RHOBTB1: variants seen among roughly 807,000 people sequenced by gnomAD.
RHOBTB1 encodes the protein Rho related BTB domain containing 1.
Under a neutral mutation model 71.6 loss-of-function variants are expected in RHOBTB1, and 40 were observed. The ratio of observed to expected loss-of-function variants is 0.56; its 90% CI spans 0.43 to 0.73. RHOBTB1 has a LOEUF of 0.73. RHOBTB1 is among the 30% of genes least tolerant of loss of function. The pLI is 0.00. For missense variants in RHOBTB1, 797 were observed against 894.0 expected, an observed-to-expected ratio of 0.89 and a Z score of 1.38; for synonymous variants, 319 against 334.9, an observed-to-expected ratio of 0.95 and a Z score of 0.52.
intron 4 of RHOBTB1, among the ~76,000 whole-genome samples, chr10:60,896,565 G>A (rs2082169807): frequency 6.6e-6 from 1 of 152,320 alleles, no homozygotes; most frequent in South Asian, 2.1e-4. Flanking sequence ...AGTTTGGAAT[G>A]TTTATTGTAC....
chr10:60,892,066 C>T (rs541094259), intron 5 of RHOBTB1, among the ~76,000 whole-genome samples: 10 of 152,292 alleles, frequency 6.6e-5, no homozygotes, highest in African/African-American at 9.6e-5. Context: ...CTGAGGCCTC[C>T]GCAGCCATGC....
chr10:60,871,921 G>C, intron 10 of RHOBTB1: 1 of 603,790 alleles, frequency 1.7e-6, no homozygotes, highest in Non-Finnish European at 2.9e-6. Context: ...CTAAACAAGG[G>C]GAAGGCCACC....
At chr10:60,993,048 G>A (rs2086922475) in intron 1 of RHOBTB1, among the ~76,000 whole-genome samples, 1 of 152,126 alleles carries the variant, frequency 6.6e-6, no homozygotes, top group Non-Finnish European at 1.5e-5. Flanking sequence ...AAGAGAACGA[G>A]GGCTTCGGGC....
chr10:60,871,426 A>C lies in RHOBTB1; in HGVS notation c.*56T>G. ...CGAATTTTATAGTAGTGCTTTGAAA[A>C]GTGGTGGATCAGATTACCGATTGGT... On this transcript the variant is annotated 3_prime_UTR_variant, in exon 11 of 11. Coordinates refer to ENST00000337910, the MANE Select transcript of RHOBTB1 (RefSeq NM_014836.5). 1 of 1,556,090 alleles carries C rather than the reference A, an allele frequency of 6.4e-7. No homozygotes were observed. Among genetic ancestry groups the C allele is most frequent in the Non-Finnish European group, 8.8e-7 (1 of 1,142,530 alleles).
intron 1 of RHOBTB1, among the ~76,000 whole-genome samples, chr10:60,991,797 CTG>C (rs1254307572): frequency 6.6e-6 from 1 of 152,256 alleles, no homozygotes; most frequent in East Asian, 1.9e-4. Context: ...AGCATGCCTT[CTG>C]TGTGTATGCC....
chr10:60,985,375 A>G (rs900771979), intron 2 of RHOBTB1, among the ~76,000 whole-genome samples: 7 of 152,192 alleles, frequency 4.6e-5, no homozygotes, highest in Non-Finnish European at 7.3e-5. Flanking sequence ...TTTTCTAATT[A>G]AAGACATTCA....
At chr10:60,861,131 G>A in the RHOBTB1 span, among the ~76,000 whole-genome samples, 2 of 152,144 alleles carry the variant, frequency 1.3e-5, no homozygotes, top group Non-Finnish European at 2.9e-5. Flanking sequence ...CAGAACTGAC[G>A]GAACCGGTTA....
intron 1 of RHOBTB1, among the ~76,000 whole-genome samples, chr10:60,987,380 T>C (rs1050334297): frequency 2.0e-5 from 3 of 152,156 alleles, no homozygotes; most frequent in Non-Finnish European, 4.4e-5. Context: ...TTTGCCTTTT[T>C]CCCCTGTTCC....
chr10:60,943,270 C>T (rs758295039), intron 1 of RHOBTB1, among the ~76,000 whole-genome samples: 3 of 152,188 alleles, frequency 2.0e-5, no homozygotes, highest in Non-Finnish European at 4.4e-5. Flanking sequence ...GGGATGGAAA[C>T]GGTGCAGCTA....
At chr10:60,930,226 T>C (rs1589342007) in intron 2 of RHOBTB1, among the ~76,000 whole-genome samples, 1 of 152,324 alleles carries the variant, frequency 6.6e-6, no homozygotes, top group East Asian at 1.9e-4. Context: ...TTAAGATACT[T>C]GCTAAGTGAT....
intron 7 of RHOBTB1, among the ~76,000 whole-genome samples, chr10:60,879,153 T>A (rs1302683485): frequency 6.6e-6 from 1 of 152,076 alleles, no homozygotes. Flanking sequence ...AGCTAGGAAG[T>A]AGTGACTGGG....
intron 2 of RHOBTB1, among the ~76,000 whole-genome samples, chr10:60,980,355 T>A (rs1482432170): frequency 6.6e-6 from 1 of 152,198 alleles, no homozygotes; most frequent in Non-Finnish European, 1.5e-5. Context: ...CATTTTTGAC[T>A]AAGGTTATGA....
At chr10:60,910,208 G>GT (rs1160914721) in intron 4 of RHOBTB1, among the ~76,000 whole-genome samples, 3 of 152,150 alleles carry the variant, frequency 2.0e-5, no homozygotes, top group Non-Finnish European at 4.4e-5. Flanking sequence ...TGAGAGAGAC[G>GT]TTAAGTTATG....
intron 2 of RHOBTB1, among the ~76,000 whole-genome samples, chr10:60,975,957 T>C (rs1477157419): frequency 1.3e-5 from 2 of 152,056 alleles, no homozygotes; most frequent in East Asian, 3.9e-4. Flanking sequence ...AGGAGTCTTA[T>C]CTGGTTCTCT....
At chr10:60,977,842 G>A (rs1589448740) in intron 2 of RHOBTB1, among the ~76,000 whole-genome samples, 2 of 152,104 alleles carry the variant, frequency 1.3e-5, no homozygotes, top group South Asian at 2.1e-4. Context: ...ATTGGATACT[G>A]TAATGCTTTG....
chr10:60,997,033 T>C lies in RHOBTB1; in HGVS notation c.-163+4366A>G, dbSNP rs2087077196. Among the ~76,000 whole-genome samples, 4 of 151,026 alleles carry C rather than the reference T, an allele frequency of 2.6e-5. No individual in the cohort carries two copies. In the South Asian group the frequency reaches 8.4e-4, roughly 32 times the overall value. ...TTTGAACATGCTTGATTTGAGCCAA[T>C]ATCAAGTCTAGTAGCCACAGCATGG... On this transcript the variant is annotated intron_variant, in intron 1 of 11. Coordinates refer to the RHOBTB1 transcript ENST00000357917.
intron 2 of RHOBTB1, among the ~76,000 whole-genome samples, chr10:60,956,199 G>A (rs919728564): frequency 5.3e-5 from 8 of 152,266 alleles, no homozygotes; most frequent in Middle Eastern, 3.4e-3. Context: ...GTAGGCAATT[G>A]TAACACAATG....
chr10:60,862,652 CTT>C, the RHOBTB1 span, among the ~76,000 whole-genome samples: 1 of 145,502 alleles, frequency 6.9e-6, no homozygotes. Context: ...TTCTCCCTTT[CTT>C]TTTTCTTTTT....
intron 2 of RHOBTB1, among the ~76,000 whole-genome samples, chr10:60,984,032 C>T (rs2393708): frequency 0.54 from 82,277 of 152,050 alleles, 22,560 homozygotes; most frequent in East Asian, 0.77. Context: ...AACTATACCA[C>T]TTAAAATCTC....
Sources: gnomAD v4.1 joint callset for allele counts (sites outside exome capture counted in the v4.1 genomes callset) on GRCh38, gnomAD v4.1.1 for gene constraint, MANE v1.5 for transcripts, NCBI Gene and HGNC (gene_info 2026-07-23, HGNC 2026-07-21) for gene names.